The following HYDIN variants were observed in gnomAD, a reference collection of about 807,000 sequenced individuals.
The protein encoded by HYDIN is HYDIN axonemal central pair apparatus protein.
HYDIN carries 132 observed loss-of-function variants against 403.9 expected under a neutral mutation model. The ratio of observed to expected loss-of-function variants is 0.33; its 90% CI spans 0.28 to 0.38. The LOEUF (loss-of-function observed/expected upper bound fraction) is 0.38, where lower values mean the gene tolerates loss of function less well. HYDIN is among the 10% of genes least tolerant of loss of function. The pLI is 1.00. For missense variants in HYDIN, 2,827 were observed against 5,009.5 expected, an observed-to-expected ratio of 0.56 and a Z score of 13.15; for synonymous variants, 1,202 against 1,891.7, an observed-to-expected ratio of 0.64 and a Z score of 9.46.
At chr16:70,992,570 C>T (rs1257977822) in intron 23 of HYDIN, among the ~76,000 whole-genome samples, 18 of 148,688 alleles carry the variant, frequency 1.2e-4, no homozygotes, top group Non-Finnish European at 7.4e-5. Context: ...AATAAGTAGT[C>T]GGCATGGTCA....
At chr16:70,899,622 CTAAGACAGATGT>C (rs1000603146) in intron 53 of HYDIN, among the ~76,000 whole-genome samples, 2 of 152,188 alleles carry the variant, frequency 1.3e-5, no homozygotes, top group African/African-American at 4.8e-5. Flanking sequence ...CCTTGGGGAA[CTAAGACAGATGT>C]TAAGTCAGGT....
chr16:70,945,421 C>A (rs1468358608), intron 41 of HYDIN, among the ~76,000 whole-genome samples: 3 of 152,134 alleles, frequency 2.0e-5, no homozygotes, highest in Non-Finnish European at 2.9e-5. Context: ...TGCCTCTAAG[C>A]CCTTCGAGAG....
At chr16:71,110,372 A>T (rs962930648) in intron 10 of HYDIN, among the ~76,000 whole-genome samples, 251 of 139,360 alleles carry the variant, frequency 1.8e-3, no homozygotes, top group Non-Finnish European at 2.6e-3. Context: ...TTTATATATA[A>T]AATAAAATAC....
At position 71,133,073 on chromosome 16, in the gene HYDIN, T is replaced by C. The variant is rs1252193841; in HGVS notation, c.1044-3250A>G. The C allele has an allele frequency of 1.4e-5, 5 of 361,186 alleles. No homozygotes were observed. In the East Asian group the frequency reaches 3.0e-4, roughly 21 times the overall value. The allele number at this position is 361,186 out of a possible 1,614,324, so 22.4% of individuals were successfully genotyped here. A position where few individuals can be genotyped will look rare whatever the true frequency, so the allele number is the denominator to read the frequency against. On this transcript the variant is annotated intron_variant, in intron 8 of 85. Coordinates refer to ENST00000393567, the MANE Select transcript of HYDIN (RefSeq NM_001270974.2). ...AGCTACCAACACCTTTAACAGTCAATGGGGAAGATGTGTGTCTCCAGTGCA... is the reference window on the plus strand; with the variant it reads ...AGCTACCAACACCTTTAACAGTCAACGGGGAAGATGTGTGTCTCCAGTGCA...
At chr16:70,903,197 A>G (rs1227393757) in intron 52 of HYDIN, among the ~76,000 whole-genome samples, 2 of 124,592 alleles carry the variant, frequency 1.6e-5, no homozygotes, top group African/African-American at 6.4e-5. Context: ...TCTATTTAGA[A>G]TAATAATACC....
At chr16:71,201,843 T>A (rs1046190765) in intron 1 of HYDIN, among the ~76,000 whole-genome samples, 3 of 152,254 alleles carry the variant, frequency 2.0e-5, no homozygotes, top group African/African-American at 4.8e-5. Flanking sequence ...CTGAGCTGTA[T>A]GCTGTGACCA....
chr16:71,124,372 G>A (rs2107489), intron 9 of HYDIN, among the ~76,000 whole-genome samples: 28 of 152,238 alleles, frequency 1.8e-4, no homozygotes, highest in African/African-American at 5.8e-4. Flanking sequence ...ACATGATACT[G>A]TTCACAAGAT....
At chr16:71,014,655 TA>T (rs1264873708) in intron 23 of HYDIN, among the ~76,000 whole-genome samples, 1 of 133,620 alleles carries the variant, frequency 7.5e-6, no homozygotes, top group Non-Finnish European at 1.5e-5. Context: ...GATCGGAGTG[TA>T]AAAGGACATG....
chr16:71,136,778 A>AC (rs1277339954), intron 8 of HYDIN, among the ~76,000 whole-genome samples: 76 of 150,840 alleles, frequency 5.0e-4, no homozygotes, highest in African/African-American at 1.9e-3. Context: ...AAAAAAAAAA[A>AC]AACAAAAAAA....
At chr16:71,056,231 A>C (rs1317562542) in intron 18 of HYDIN, among the ~76,000 whole-genome samples, 1 of 150,040 alleles carries the variant, frequency 6.7e-6, no homozygotes, top group African/African-American at 2.5e-5. Context: ...CTGATATTCC[A>C]GGTGCAGGCA....
chr16:70,807,862 A>T lies in HYDIN; in HGVS notation c.15084T>A (p.Gly5028=), dbSNP rs1381505147. The T allele has an allele frequency of 6.2e-7, 1 of 1,614,106 alleles. No homozygotes were observed. The highest frequency in any genetic ancestry group is 1.1e-5 in the South Asian group (1 of 91,064). ...TGTACCCGGCTCGGATCGAGAAGGG[A>T]CCTTGGGGCTTGGGAGGCAGAGCCA... ...FGMALPPKPQ[G]PFSIRAGYSI... The change falls in exon 86 of 86, where the codon GGT becomes GGA. Residue 5028 remains glycine (G), a synonymous_variant. Transcript: ENST00000393567.
At chr16:71,224,395 C>A (rs1324802350) in intron 1 of HYDIN, among the ~76,000 whole-genome samples, 1 of 152,238 alleles carries the variant, frequency 6.6e-6, no homozygotes, top group East Asian at 1.9e-4. Flanking sequence ...CTAAAGAACT[C>A]ATCCATGTAA....
rs2078527960 is a variant in HYDIN, at chr16:70,964,936, G to C, written c.5620-40C>G. ...AAAGAGAATCCTGTTGGTCTCACTA[G>C]AAATCTCCCTGCAGCTCTAAGTGGG... On this transcript the variant is annotated intron_variant, in intron 36 of 85. Coordinates refer to ENST00000393567, the MANE Select transcript of HYDIN (RefSeq NM_001270974.2). The C allele has an allele frequency of 1.9e-6, 3 of 1,592,906 alleles. No homozygotes were observed. The Admixed American group carries it at 5.0e-5, about 27-fold the overall frequency.
At chr16:70,901,379 C>A (rs574934289) in intron 52 of HYDIN, among the ~76,000 whole-genome samples, 177 bp from the exon 53 acceptor site, 2 of 151,450 alleles carry the variant, frequency 1.3e-5, no homozygotes, top group Admixed American at 6.6e-5. Flanking sequence ...AAGCCTAGTA[C>A]CCAATAGTTA....
intron 19 of HYDIN, among the ~76,000 whole-genome samples, chr16:71,030,542 C>A (rs1433635077): frequency 6.6e-6 from 1 of 151,682 alleles, no homozygotes; most frequent in African/African-American, 2.4e-5. Context: ...AAGTGATTCT[C>A]CCACCTCAGC....
At chr16:71,206,092 T>C (rs540037144) in intron 1 of HYDIN, among the ~76,000 whole-genome samples, 1 of 152,234 alleles carries the variant, frequency 6.6e-6, no homozygotes, top group East Asian at 1.9e-4. Flanking sequence ...CAAAGGCCCA[T>C]AGCCAGATGG....
Position 71,062,175 on chromosome 16 carries a change from G to C in HYDIN, c.2370C>G (p.Pro790=), listed in dbSNP as rs2082111922. The change falls in exon 17 of 86, where the codon CCC becomes CCG. Residue 790 remains proline (P), a synonymous_variant. Coordinates refer to ENST00000393567, the MANE Select transcript of HYDIN (RefSeq NM_001270974.2). The stretch of plus-strand genomic sequence containing the variant: ...TCTGAAAATGGACTCTCACCAAAGG[G>C]GGGTCCTGGCTCCCAAAGATTGAGA... ...VYISIFGSQD[P]PLVCHLKSAG... The C allele has an allele frequency of 3.8e-6, 5 of 1,312,716 alleles. No individual in the cohort carries two copies. Among genetic ancestry groups the C allele is most frequent in the African/African-American group, 2.9e-5 (2 of 68,580 alleles). The allele number at this position is 1,312,716 out of a possible 1,614,324, so 81.3% of individuals were successfully genotyped here. A position where few individuals can be genotyped will look rare whatever the true frequency, so the allele number is the denominator to read the frequency against.
chr16:70,842,979 C>T (rs1307921471), intron 75 of HYDIN, among the ~76,000 whole-genome samples: 1 of 151,608 alleles, frequency 6.6e-6, no homozygotes, highest in African/African-American at 2.4e-5. Flanking sequence ...TTAAAACAAT[C>T]TAGTTTGAGT....
At chr16:70,941,117 G>A (rs373119027) in intron 43 of HYDIN, among the ~76,000 whole-genome samples, 7,643 of 148,918 alleles carry the variant, frequency 0.051, 520 homozygotes, top group African/African-American at 0.18. Context: ...CATGCACCCG[G>A]TTCTCCTACT....
Sources: gnomAD v4.1 joint callset for allele counts (sites outside exome capture counted in the v4.1 genomes callset) on GRCh38, gnomAD v4.1.1 for gene constraint, MANE v1.5 for transcripts, NCBI Gene and HGNC (gene_info 2026-07-23, HGNC 2026-07-21) for gene names.